Variants in R3HDM2 observed in about 807,000 individuals in gnomAD.
R3HDM2 encodes the protein R3H domain containing 2.
In R3HDM2, 38 loss-of-function variants were observed where a neutral mutation model predicts 124.5. The ratio of observed to expected loss-of-function variants is 0.31; its 90% CI spans 0.24 to 0.40. The LOEUF (loss-of-function observed/expected upper bound fraction) is 0.40. Ranked by LOEUF, R3HDM2 falls within the 10% of genes least tolerant of loss-of-function variation. The pLI is 1.00. For synonymous variants in R3HDM2, 391 were observed against 448.0 expected, an observed-to-expected ratio of 0.87 and a Z score of 1.61; for missense variants, 869 against 1,236.9, an observed-to-expected ratio of 0.70 and a Z score of 4.46.
At chr12:57,409,425 T>C (rs867233283) in intron 1 of R3HDM2, among the ~76,000 whole-genome samples, 3 of 150,656 alleles carry the variant, frequency 2.0e-5, no homozygotes, top group Non-Finnish European at 4.4e-5. Flanking sequence ...GAGAATTATA[T>C]ACTACTAGAT....
At chr12:57,270,383 C>T (rs1399092451) in intron 14 of R3HDM2, among the ~76,000 whole-genome samples, 2 of 150,772 alleles carry the variant, frequency 1.3e-5, no homozygotes, top group East Asian at 1.9e-4. Flanking sequence ...CCACCAAACC[C>T]GGCTAATTCT....
At chr12:57,401,140 G>A (rs1344115048) in intron 1 of R3HDM2, among the ~76,000 whole-genome samples, 1 of 151,566 alleles carries the variant, frequency 6.6e-6, no homozygotes, top group Admixed American at 6.6e-5. Flanking sequence ...CATGGCCACA[G>A]TTATGTGTAA....
chr12:57,273,365 G>T (rs1056152658), intron 14 of R3HDM2, among the ~76,000 whole-genome samples: 16 of 152,198 alleles, frequency 1.1e-4, no homozygotes, highest in Non-Finnish European at 7.3e-5. Context: ...CTAGTGGGTA[G>T]TTATTATTTT....
chr12:57,317,162 G>T (rs1282905152), intron 2 of R3HDM2, among the ~76,000 whole-genome samples: 5 of 150,028 alleles, frequency 3.3e-5, no homozygotes, highest in African/African-American at 1.2e-4. Context: ...GAATAAAGGT[G>T]TGACCACCTT....
At chr12:57,256,559 A>G (rs376667055) in intron 21 of R3HDM2, 48 bp from the exon 22 acceptor site, 1 of 1,397,682 alleles carries the variant, frequency 7.2e-7, no homozygotes, top group South Asian at 1.3e-5. Context: ...GCTTCATAGT[A>G]TGACTTTTAT....
chr12:57,366,301 G>A (rs2062647715), intron 2 of R3HDM2, among the ~76,000 whole-genome samples: 4 of 151,886 alleles, frequency 2.6e-5, no homozygotes, highest in Admixed American at 2.6e-4. Context: ...ATTATGTGTT[G>A]GTATGAGCCA....
intron 1 of R3HDM2, among the ~76,000 whole-genome samples, chr12:57,422,008 G>A (rs1046672363): frequency 2.7e-5 from 4 of 149,916 alleles, no homozygotes; most frequent in South Asian, 2.1e-4. Context: ...CAGGAGAATC[G>A]CTTGAACCCG....
At chr12:57,299,802 C>A (rs1365965147) in intron 5 of R3HDM2, among the ~76,000 whole-genome samples, 1 of 152,146 alleles carries the variant, frequency 6.6e-6, no homozygotes, top group Non-Finnish European at 1.5e-5. Flanking sequence ...TTCTTGTCTG[C>A]ATCATCCTAG....
chr12:57,421,047 C>A (rs552256824), intron 1 of R3HDM2, among the ~76,000 whole-genome samples: 2 of 152,010 alleles, frequency 1.3e-5, no homozygotes, highest in African/African-American at 2.4e-5. Flanking sequence ...AGCATGGAAC[C>A]CAGAAAACTA....
At chr12:57,398,687 C>T (rs2067797055) in intron 1 of R3HDM2, among the ~76,000 whole-genome samples, 1 of 152,162 alleles carries the variant, frequency 6.6e-6, no homozygotes, top group African/African-American at 2.4e-5. Context: ...CAAAGTTTCA[C>T]CATGTTAGTC....
At position 57,269,250 on chromosome 12, in the gene R3HDM2, A is replaced by T. The variant is rs147179504; in HGVS notation, c.1714+73T>A. The T allele has an allele frequency of 1.1e-3, 1,818 of 1,583,596 alleles. 17 individuals are homozygous for T. The African/African-American group carries it at 0.022, about 19-fold the overall frequency. The stretch of plus-strand genomic sequence containing the variant: ...CCTAGACCCACCTTCATTTTAATGG[A>T]GAAGGTACTTCTTTCTTTCCTGGTG... On this transcript the variant is annotated intron_variant, in intron 16 of 23. Coordinates refer to ENST00000402412, the MANE Select transcript of R3HDM2 (RefSeq NM_001394031.1).
At chr12:57,291,055 T>C (rs1358120013) in intron 11 of R3HDM2, among the ~76,000 whole-genome samples, 1 of 149,868 alleles carries the variant, frequency 6.7e-6, no homozygotes, top group East Asian at 1.9e-4. Flanking sequence ...CTTTGGGCTA[T>C]GGTTGAATAA....
intron 19 of R3HDM2, among the ~76,000 whole-genome samples, chr12:57,261,174 A>C (rs2040720070): frequency 6.6e-6 from 1 of 152,166 alleles, no homozygotes; most frequent in Admixed American, 6.5e-5. Flanking sequence ...AGAATCGCTC[A>C]CCTGCTTCAA....
intron 1 of R3HDM2, chr12:57,418,290 C>T (rs2069844108): frequency 1.0e-6 from 1 of 985,272 alleles, no homozygotes; most frequent in African/African-American, 1.7e-5. Context: ...TCTGATTCCT[C>T]TCCTCTATTC....
In R3HDM2 at chr12:57,268,250, G is replaced by A. The variant is rs1220685267; in HGVS notation, c.2030+53C>T. 1.9e-6 allele frequency: 3 copies of A among 1,568,732 alleles called. No individual in the cohort carries two copies. In the South Asian group the frequency reaches 3.5e-5, roughly 18 times the overall value. ...GTGGAAACAAAACCATGATGCAACTGTTGCTGAAGGTCTATGGGAGATGTC... is the reference window on the plus strand; with the variant it reads ...GTGGAAACAAAACCATGATGCAACTATTGCTGAAGGTCTATGGGAGATGTC... On this transcript the variant is annotated intron_variant, in intron 18 of 23. Coordinates refer to ENST00000402412, the MANE Select transcript of R3HDM2 (RefSeq NM_001394031.1).
At chr12:57,424,989 T>C (rs917925237) in intron 1 of R3HDM2, among the ~76,000 whole-genome samples, 1 of 152,172 alleles carries the variant, frequency 6.6e-6, no homozygotes, top group Non-Finnish European at 1.5e-5. Flanking sequence ...AAGAAATTAT[T>C]CAGTCAGGTG....
At chr12:57,279,856 A>G (rs1465001899) in intron 14 of R3HDM2, among the ~76,000 whole-genome samples, 1 of 151,948 alleles carries the variant, frequency 6.6e-6, no homozygotes, top group African/African-American at 2.4e-5. Context: ...GAAAACAAAG[A>G]CACATTTGGA....
chr12:57,389,722 A>C (rs1216384420), intron 2 of R3HDM2, among the ~76,000 whole-genome samples: 1 of 152,228 alleles, frequency 6.6e-6, no homozygotes, highest in Non-Finnish European at 1.5e-5. Flanking sequence ...TATAAACATG[A>C]CCATATTTTT....
intron 1 of R3HDM2, among the ~76,000 whole-genome samples, chr12:57,396,375 A>C (rs1214923118): frequency 1.3e-5 from 2 of 152,146 alleles, no homozygotes; most frequent in Admixed American, 6.6e-5. Flanking sequence ...CGGGAGACGG[A>C]GGTTGCAGTG....
Sources: allele counts gnomAD v4.1 joint callset (sites outside exome capture counted in the v4.1 genomes callset), GRCh38; gene constraint gnomAD v4.1.1; transcripts MANE v1.5; gene names NCBI Gene and HGNC (gene_info 2026-07-23, HGNC 2026-07-21).